Variants in CPEB1 observed in about 807,000 individuals in gnomAD.
The protein encoded by CPEB1 is cytoplasmic polyadenylation element-binding protein 1.
CPEB1 carries 7 observed loss-of-function variants against 65.8 expected under a neutral mutation model. The observed-to-expected ratio is 0.11, with a 90% CI of 0.06 to 0.20. The LOEUF (loss-of-function observed/expected upper bound fraction) is 0.20. CPEB1 is among the 10% of genes least tolerant of loss of function. The pLI, the probability that CPEB1 is intolerant of heterozygous loss-of-function variation, is 1.00. For synonymous variants in CPEB1, 262 were observed against 260.0 expected, an observed-to-expected ratio of 1.01 and a Z score of -0.08; for missense variants, 551 against 712.2, an observed-to-expected ratio of 0.77 and a Z score of 2.58.
intron 3 of CPEB1, among the ~76,000 whole-genome samples, chr15:82,592,821 C>G (rs2042366320): frequency 6.6e-6 from 1 of 151,790 alleles, no homozygotes. Flanking sequence ...ATGGTGAAAC[C>G]CTGTCTCTAC....
At chr15:82,640,865 C>T (rs912829651) in intron 1 of CPEB1, 1 of 150,680 alleles carries the variant, frequency 6.6e-6, no homozygotes, top group South Asian at 2.1e-4. Context: ...GAAAAGGAAG[C>T]CTGCAAGTAC....
intron 3 of CPEB1, among the ~76,000 whole-genome samples, chr15:82,623,005 G>A (rs111729366): frequency 1.3e-5 from 2 of 152,186 alleles, no homozygotes; most frequent in Non-Finnish European, 2.9e-5. Context: ...GCCCTGGCGG[G>A]AGGTATCTGG....
chr15:82,628,627 T>C (rs1475333883), intron 1 of CPEB1, 71 bp from the exon 2 acceptor site: 1 of 594,704 alleles, frequency 1.7e-6, no homozygotes, highest in Non-Finnish European at 3.0e-6. Context: ...AAGCAAAAAG[T>C]CAGACAGAAA....
At chr15:82,609,051 T>A (rs991471276) in intron 3 of CPEB1, among the ~76,000 whole-genome samples, 3 of 152,048 alleles carry the variant, frequency 2.0e-5, no homozygotes, top group Admixed American at 2.0e-4. Flanking sequence ...AACTGGAAAA[T>A]TCTCAAAACG....
chr15:82,593,086 T>A (rs570219724), intron 3 of CPEB1, among the ~76,000 whole-genome samples: 1 of 152,218 alleles, frequency 6.6e-6, no homozygotes, highest in South Asian at 2.1e-4. Flanking sequence ...TCAATGTGCA[T>A]GGCTGCTGAC....
chr15:82,625,662 C>A (rs944960548), intron 3 of CPEB1, among the ~76,000 whole-genome samples: 2 of 152,134 alleles, frequency 1.3e-5, no homozygotes, highest in African/African-American at 4.8e-5. Context: ...CATTTTCCAG[C>A]TTTGGTTGAA....
intron 3 of CPEB1, among the ~76,000 whole-genome samples, chr15:82,609,189 A>T (rs763897945): frequency 9.2e-5 from 14 of 152,198 alleles, no homozygotes; most frequent in Non-Finnish European, 1.8e-4. Flanking sequence ...TAATACTTGG[A>T]AAGTTGTAAA....
chr15:82,544,609 T>G lies in CPEB1; in HGVS notation c.1750A>C (p.Asn584His). 6.2e-7 allele frequency: 1 copy of G among 1,612,952 alleles called. No homozygotes were observed. The highest frequency in any genetic ancestry group is 8.5e-7 in the Non-Finnish European group (1 of 1,179,822). The change falls in exon 13 of 13, where the codon AAC (asparagine) becomes CAC (histidine). Residue 584 changes from asparagine (N) to histidine (H), a missense_variant. Transcript: ENST00000684509. ...HHSPLMRNQK[N>H]RDSS ...CAGCTCCTCTAGCTGGAATCTCGGT[T>G]CTTCTGGTTCCGCATCAGGGGGCTG...
At position 82,553,540 on chromosome 15, in the gene CPEB1, G is replaced by A. The variant is rs1260911267; in HGVS notation, c.1071C>T (p.Thr357=). Residue 357 remains threonine, a synonymous_variant, in exon 8 of 13, where the codon ACC becomes ACT. Transcript: ENST00000684509. ...WDITEAGLVN[T]FRVFGSLSVE... Reference sequence around the variant, plus strand: ...CACTCAAAGAGCCAAAAACACGGAAGGTGTTAACTAATCCAGCTGCAAAGA... The same window carrying A: ...CACTCAAAGAGCCAAAAACACGGAAAGTGTTAACTAATCCAGCTGCAAAGA... 3.1e-6 allele frequency: 5 copies of A among 1,612,386 alleles called. No homozygotes were observed. Among genetic ancestry groups the A allele is most frequent in the Middle Eastern group, 1.6e-4 (1 of 6,084 alleles).
chr15:82,573,167 C>CA, intron 3 of CPEB1: 1 of 1,534,354 alleles, frequency 6.5e-7, no homozygotes, highest in Non-Finnish European at 8.7e-7. Flanking sequence ...TCCTGCAGTA[C>CA]ACCCTGTGTC....
intron 3 of CPEB1, among the ~76,000 whole-genome samples, chr15:82,611,429 C>G (rs942887439): frequency 1.3e-5 from 2 of 151,998 alleles, no homozygotes; most frequent in Admixed American, 1.3e-4. Flanking sequence ...AAAAAATCCC[C>G]AATTCATGCA....
At chr15:82,551,691 AGTT>A (rs1266802867) in intron 9 of CPEB1, among the ~76,000 whole-genome samples, 1 of 152,192 alleles carries the variant, frequency 6.6e-6, no homozygotes, top group Non-Finnish European at 1.5e-5. Context: ...ATGTCACAAA[AGTT>A]GTGTGCTCTC....
intron 1 of CPEB1, among the ~76,000 whole-genome samples, chr15:82,637,294 G>C (rs997973084): frequency 6.6e-6 from 1 of 152,152 alleles, no homozygotes; most frequent in African/African-American, 2.4e-5. Flanking sequence ...ATTTGACACA[G>C]CTTCCATTAC....
intron 3 of CPEB1, among the ~76,000 whole-genome samples, chr15:82,605,079 G>A (rs557201945): frequency 2.6e-5 from 4 of 152,278 alleles, no homozygotes; most frequent in African/African-American, 7.2e-5. Flanking sequence ...GGAGCCAGAA[G>A]GCAGTAGGAT....
intron 3 of CPEB1, chr15:82,572,984 G>A: frequency 6.6e-7 from 1 of 1,506,208 alleles, no homozygotes. Flanking sequence ...AGGGCAACAG[G>A]CCCAGACTCA....
intron 3 of CPEB1, among the ~76,000 whole-genome samples, chr15:82,599,739 G>C (rs2042947334): frequency 6.6e-6 from 1 of 152,120 alleles, no homozygotes; most frequent in Non-Finnish European, 1.5e-5. Context: ...TCCACATTAA[G>C]CTGGGACCCC....
chr15:82,589,356 G>T (rs897211123), intron 3 of CPEB1, among the ~76,000 whole-genome samples: 7 of 152,198 alleles, frequency 4.6e-5, no homozygotes, highest in African/African-American at 1.7e-4. Flanking sequence ...GACCTCAATT[G>T]TATGTGGGGC....
Position 82,543,714 on chromosome 15 carries a change from A to ACC in CPEB1, c.*876_*877dup, listed in dbSNP as rs1388651707. The ACC allele has an allele frequency of 6.7e-6, 1 of 150,070 alleles. No homozygotes were observed. The allele number at this position is 150,070 out of a possible 1,614,324, so 9.3% of individuals were successfully genotyped here. A position where few individuals can be genotyped will look rare whatever the true frequency, so the allele number is the denominator to read the frequency against. On this transcript the variant is annotated 3_prime_UTR_variant, in exon 13 of 13. Transcript: ENST00000684509. ...GTGATTAAAAACTTCTATCAACCCC[A>ACC]CCCCCCCACATAAGTGCAACTTAAG... is the stretch of plus-strand genomic sequence containing the variant.
intron 1 of CPEB1, among the ~76,000 whole-genome samples, chr15:82,643,499 C>T (rs1342654836): frequency 1.3e-5 from 2 of 151,922 alleles, no homozygotes; most frequent in Non-Finnish European, 2.9e-5. Flanking sequence ...CGTGGTGGCG[C>T]GTGCCTATAG....
Sources: gnomAD v4.1 joint callset for allele counts (sites outside exome capture counted in the v4.1 genomes callset) on GRCh38, gnomAD v4.1.1 for gene constraint, MANE v1.5 for transcripts, NCBI Gene and HGNC (gene_info 2026-07-23, HGNC 2026-07-21) for gene names.